Variants in GPC5 observed in about 807,000 individuals in gnomAD.
GPC5 encodes the protein glypican 5.
GPC5 carries 47 observed loss-of-function variants against 53.9 expected under a neutral mutation model. The observed-to-expected ratio is 0.87, with a 90% CI of 0.69 to 1.11. The LOEUF (loss-of-function observed/expected upper bound fraction) is 1.11. GPC5 is among the 50% of genes most tolerant of loss of function. GPC5 has a pLI of 0.00. For synonymous variants in GPC5, 286 were observed against 263.3 expected (o/e 1.09, Z -0.84); for missense variants, 748 against 713.1 (o/e 1.05, Z -0.56).
intron 7 of GPC5, among the ~76,000 whole-genome samples, chr13:92,627,552 A>G (rs1471698038): frequency 6.6e-6 from 1 of 152,338 alleles, no homozygotes; most frequent in East Asian, 1.9e-4. Flanking sequence ...TTGCTGTACT[A>G]CAACATATTT....
intron 7 of GPC5, among the ~76,000 whole-genome samples, chr13:92,613,383 TATTATATATAA>T (rs1198086346): frequency 1.3e-5 from 1 of 75,436 alleles, no homozygotes; most frequent in East Asian, 7.1e-4. Flanking sequence ...AAATATATTA[TATTATATATAA>T]ATATATATTA....
chr13:92,687,082 T>A (rs1488332759), intron 7 of GPC5, among the ~76,000 whole-genome samples: 83 of 3,746 alleles, frequency 0.022, no homozygotes, highest in African/African-American at 0.056. Context: ...TTAAAGTACT[T>A]TTTTCCAATT....
At chr13:91,579,520 G>A (rs1163971804) in intron 2 of GPC5, among the ~76,000 whole-genome samples, 1 of 151,838 alleles carries the variant, frequency 6.6e-6, no homozygotes, top group Non-Finnish European at 1.5e-5. Flanking sequence ...CATTGAATAC[G>A]AACCTGCCTC....
At chr13:92,661,326 G>A (rs1886335351) in intron 7 of GPC5, among the ~76,000 whole-genome samples, 1 of 149,182 alleles carries the variant, frequency 6.7e-6, no homozygotes, top group Admixed American at 6.8e-5. Context: ...ATGCTCAGTT[G>A]GAGAAATTTG....
At chr13:92,757,942 G>T (rs1267602465) in intron 7 of GPC5, among the ~76,000 whole-genome samples, 1 of 151,272 alleles carries the variant, frequency 6.6e-6, no homozygotes, top group Non-Finnish European at 1.5e-5. Context: ...CAGGGATCTA[G>T]AACTGGAAAT....
rs1294642618 is a variant in GPC5, at chr13:92,304,609, A to T, written c.1561+159620A>T. On this transcript the variant is annotated intron_variant, in intron 7 of 7. Coordinates refer to ENST00000377067, the MANE Select transcript of GPC5 (RefSeq NM_004466.6). ...TCTAGTTATTGCTTATTGTGAAGAT[A>T]ATGAGCCCCTATGAATACATTATTT... 2.0e-5 allele frequency among the ~76,000 whole-genome samples: 3 copies of T among 152,160 alleles called. No individual in the cohort carries two copies. In the East Asian group the frequency reaches 5.8e-4, roughly 29 times the overall value.
At chr13:91,949,968 G>A (rs1313009512) in intron 6 of GPC5, among the ~76,000 whole-genome samples, 20 of 152,154 alleles carry the variant, frequency 1.3e-4, no homozygotes, top group Non-Finnish European at 1.5e-5. Flanking sequence ...AAAATGGACT[G>A]AACTAGGAGA....
chr13:91,983,477 T>G (rs2040379539), intron 6 of GPC5, among the ~76,000 whole-genome samples: 1 of 152,140 alleles, frequency 6.6e-6, no homozygotes, highest in Admixed American at 6.5e-5. Context: ...TATTTTTTCA[T>G]TGAACTGACT....
intron 7 of GPC5, among the ~76,000 whole-genome samples, chr13:92,313,580 C>A (rs1281372264): frequency 2.0e-5 from 3 of 152,196 alleles, no homozygotes; most frequent in Non-Finnish European, 4.4e-5. Context: ...GTTTCCCTTG[C>A]ATCAGCCAAA....
intron 6 of GPC5, among the ~76,000 whole-genome samples, chr13:91,920,590 A>G (rs772194594): frequency 6.6e-6 from 1 of 152,248 alleles, no homozygotes. Context: ...ACAGACATGC[A>G]TAAACATACA....
At chr13:92,350,913 A>G (rs1042422988) in intron 7 of GPC5, among the ~76,000 whole-genome samples, 1 of 152,134 alleles carries the variant, frequency 6.6e-6, no homozygotes, top group Non-Finnish European at 1.5e-5. Context: ...ATTTCTCAAC[A>G]CAAACACTGG....
intron 7 of GPC5, among the ~76,000 whole-genome samples, chr13:92,845,151 C>G (rs555404142): frequency 5.3e-5 from 8 of 151,986 alleles, no homozygotes; most frequent in Non-Finnish European, 1.0e-4. Context: ...AAAAAAGATG[C>G]TTTATATGTG....
At chr13:92,330,844 A>T (rs190317455) in intron 7 of GPC5, among the ~76,000 whole-genome samples, 3 of 152,274 alleles carry the variant, frequency 2.0e-5, no homozygotes, top group Admixed American at 1.3e-4. Flanking sequence ...ATGGCTGACC[A>T]GCACACTCCA....
chr13:91,995,525 G>T (rs2040495735), intron 6 of GPC5: 1 of 152,128 alleles, frequency 6.6e-6, no homozygotes, highest in Non-Finnish European at 1.5e-5. Context: ...CTGTTCCCTT[G>T]TTGTAAAACG....
At chr13:91,580,474 C>G (rs901906671) in intron 2 of GPC5, among the ~76,000 whole-genome samples, 1 of 152,142 alleles carries the variant, frequency 6.6e-6, no homozygotes, top group African/African-American at 2.4e-5. Flanking sequence ...CTTACCTAGG[C>G]TTGGAAATTT....
rs146883125 is a variant in GPC5 at position 91,481,868 on chromosome 13, G to C, written c.325+32946G>C. 2.4e-3 allele frequency among the ~76,000 whole-genome samples: 372 copies of C among 152,154 alleles called. 3 individuals carry two copies. The highest frequency in any genetic ancestry group is 8.4e-3 in the African/African-American group (347 of 41,500). On this transcript the variant is annotated intron_variant, in intron 2 of 7. Coordinates refer to ENST00000377067, the MANE Select transcript of GPC5 (RefSeq NM_004466.6). Reference sequence around the variant, plus strand: ...TGCCTGTTCTTCATTCTTCTGTCAGGGCTTGTCATAAGCTTCATATATCAT... The same window carrying C: ...TGCCTGTTCTTCATTCTTCTGTCAGCGCTTGTCATAAGCTTCATATATCAT...
chr13:92,843,402 T>C (rs1878498035), intron 7 of GPC5, among the ~76,000 whole-genome samples: 1 of 152,168 alleles, frequency 6.6e-6, no homozygotes, highest in Non-Finnish European at 1.5e-5. Context: ...GATCCAAGTA[T>C]CTCTGTGCCC....
At chr13:92,751,846 C>A (rs1476277033) in intron 7 of GPC5, among the ~76,000 whole-genome samples, 3 of 152,154 alleles carry the variant, frequency 2.0e-5, no homozygotes, top group Non-Finnish European at 2.9e-5. Context: ...CTATGTGTTT[C>A]TCCCATTTTC....
chr13:92,760,188 G>T (rs1161594370), intron 7 of GPC5, among the ~76,000 whole-genome samples: 1 of 152,010 alleles, frequency 6.6e-6, no homozygotes, highest in Non-Finnish European at 1.5e-5. Context: ...AGGTAATACT[G>T]ATCTTGCAAA....
Sources: gnomAD v4.1 joint callset for allele counts (sites outside exome capture counted in the v4.1 genomes callset) on GRCh38, gnomAD v4.1.1 for gene constraint, MANE v1.5 for transcripts, NCBI Gene and HGNC (gene_info 2026-07-23, HGNC 2026-07-21) for gene names.